Variants in TAF15 observed in about 807,000 individuals in gnomAD.
TAF15 encodes the protein TATA-binding protein-associated factor 2N.
TAF15 carries 37 observed loss-of-function variants against 102.5 expected under a neutral mutation model. The ratio of observed to expected loss-of-function variants is 0.36; its 90% confidence interval spans 0.28 to 0.47. The LOEUF (loss-of-function observed/expected upper bound fraction) is 0.47. Ranked by LOEUF, TAF15 falls within the 20% of genes least tolerant of loss-of-function variation. TAF15 has a pLI of 0.99. For synonymous variants in TAF15, 273 were observed against 259.2 expected, an observed-to-expected ratio of 1.05 and a Z score of -0.51; for missense variants, 652 against 760.7, an observed-to-expected ratio of 0.86 and a Z score of 1.68.
intron 7 of TAF15, among the ~76,000 whole-genome samples, chr17:35,827,446 C>T (rs1376130302): frequency 6.6e-6 from 1 of 152,082 alleles, no homozygotes; most frequent in Non-Finnish European, 1.5e-5. Context: ...TGGCTCACGC[C>T]TGTAATTCCA....
chr17:35,828,465 G>T (rs1305098590), intron 7 of TAF15, among the ~76,000 whole-genome samples: 1 of 152,188 alleles, frequency 6.6e-6, no homozygotes, highest in Non-Finnish European at 1.5e-5. Context: ...TGGTCATGAT[G>T]GCCTGCGCCT....
Position 35,822,680 on chromosome 17 carries a change from G to C in TAF15, c.331G>C (p.Gly111Arg), listed in dbSNP as rs1212862475. 2.2e-5 allele frequency: 36 copies of C among 1,613,936 alleles called. 1 individual carries two copies. In the Admixed American group the frequency reaches 6.0e-4, roughly 27 times the overall value. ...RAPSYDQPDY[G>R]QQDSYDQQSG... ...ACCTTCCTATGACCAGCCAGACTAT[G>C]GTCAACAAGATTCATATGACCAGCA... Residue 111 changes from glycine to arginine, a missense_variant, in exon 6 of 16, where the codon GGT (glycine) becomes CGT (arginine). Transcript: ENST00000605844.
intron 12 of TAF15, among the ~76,000 whole-genome samples, chr17:35,843,801 G>C (rs1035158545): frequency 1.3e-5 from 2 of 152,134 alleles, no homozygotes; most frequent in African/African-American, 2.4e-5. Flanking sequence ...AAGTATTTGG[G>C]GGAAGGGATA....
chr17:35,846,979 G>T lies in TAF15; in HGVS notation c.*34G>T. On this transcript the variant is annotated 3_prime_UTR_variant, in exon 16 of 16. Transcript: ENST00000605844. ...TTGAATGTTCCTTTGTCTCTGACAT[G>T]ATCCATAGTGAAATTGCCAGAGTTT... 1 of 1,609,130 alleles carries T rather than the reference G, an allele frequency of 6.2e-7. No homozygotes were observed.
intron 7 of TAF15, among the ~76,000 whole-genome samples, chr17:35,829,324 TA>T (rs1361162246): frequency 1.3e-5 from 2 of 151,062 alleles, no homozygotes; most frequent in Admixed American, 6.6e-5. Flanking sequence ...TTATTTTTAT[TA>T]TTTTTTTTTT....
chr17:35,836,242 G>C lies in TAF15; in HGVS notation c.783+1G>C. The C allele has an allele frequency of 6.4e-7, 1 of 1,573,742 alleles. No individual in the cohort carries two copies. The highest frequency in any genetic ancestry group is 8.7e-7 in the Non-Finnish European group (1 of 1,143,732). On this transcript the variant is annotated splice_donor_variant, in intron 10 of 15. Coordinates refer to ENST00000605844, the MANE Select transcript of TAF15 (RefSeq NM_139215.3). LOFTEE classifies it high-confidence loss of function. ...CTTTAAACAAATAGGAATTATCAAG[G>C]TGAGTAAAAATATTATATGTTGAAA...
chr17:35,842,223 T>G (rs1568279243), intron 11 of TAF15, 144 bp from the exon 12 acceptor site: 6 of 685,006 alleles, frequency 8.8e-6, no homozygotes, highest in Admixed American at 2.1e-5. Flanking sequence ...TTTAGCACTG[T>G]TATCTTGACT....
intron 7 of TAF15, among the ~76,000 whole-genome samples, chr17:35,829,878 G>A (rs572389953): frequency 1.4e-4 from 22 of 152,142 alleles, no homozygotes; most frequent in Non-Finnish European, 2.8e-4. Flanking sequence ...ATTGGCTCAC[G>A]CCTGTAATCC....
At chr17:35,846,790 T>C in intron 15 of TAF15, 116 bp from the exon 16 acceptor site, 1 of 1,036,278 alleles carries the variant, frequency 9.6e-7, no homozygotes, top group South Asian at 1.3e-5. Flanking sequence ...AGGCATGGTG[T>C]CATTCTTTAG....
rs35393517 is a variant in TAF15, at chr17:35,833,156, C to CA, written c.606-737dup. 2.6e-3 allele frequency among the ~76,000 whole-genome samples: 362 copies of CA among 137,662 alleles called. 1 individual carries two copies. The highest frequency in any genetic ancestry group is 0.012 in the East Asian group (59 of 4,764). The allele number at this position is 137,662 out of a possible 152,430, so 90.3% of individuals were successfully genotyped here. A position where few individuals can be genotyped will look rare whatever the true frequency, so the allele number is the denominator to read the frequency against. ...TGGGTGACAGAGCGAGACTCTGTCT[C>CA]AAAAAAAAAAAAAAGTTGTCCTGTT... On this transcript the variant is annotated intron_variant, in intron 7 of 15. Coordinates refer to ENST00000605844, the MANE Select transcript of TAF15 (RefSeq NM_139215.3).
rs182638009 is a variant in TAF15, at chr17:35,822,732, C to T, written c.383C>T (p.Ser128Leu). 2 of 1,614,152 alleles carry T rather than the reference C, an allele frequency of 1.2e-6. No individual in the cohort carries two copies. Among genetic ancestry groups the T allele is most frequent in the East Asian group, 4.5e-5 (2 of 44,872 alleles). Reference protein sequence around the residue: ...QQSGYDQHQGSYDEQSNYDQQ... With the variant: ...QQSGYDQHQGLYDEQSNYDQQ... ...TCAGGCTATGATCAACATCAAGGCT[C>T]ATATGATGAGCAGTCAAATTATGAT... The change falls in exon 6 of 16, where the codon TCA (serine) becomes TTA (leucine). Residue 128 changes from serine to leucine, a missense_variant. By Grantham distance (145) the Ser-to-Leu change is moderately radical. This residue lies in a region of TAF15 where 243 missense variants were observed against 284.1 expected (regional missense o/e 0.86). Coordinates refer to ENST00000605844, the MANE Select transcript of TAF15 (RefSeq NM_139215.3).
At chr17:35,823,816 GC>G in intron 6 of TAF15, 1 of 515,848 alleles carries the variant, frequency 1.9e-6, no homozygotes, top group East Asian at 3.5e-5. Context: ...TTACTGTTTT[GC>G]CATGTCACTT....
chr17:35,829,133 A>G (rs1021309942), intron 7 of TAF15, among the ~76,000 whole-genome samples: 1 of 152,160 alleles, frequency 6.6e-6, no homozygotes, highest in African/African-American at 2.4e-5. Flanking sequence ...AGAAAATTGT[A>G]TTCTGGATTT....
Position 35,822,789 on chromosome 17 carries a change from A to C in TAF15, c.440A>C (p.Gln147Pro). 6.2e-7 allele frequency: 1 copy of C among 1,614,212 alleles called. No homozygotes were observed. Among genetic ancestry groups the C allele is most frequent in the East Asian group, 2.2e-5 (1 of 44,874 alleles). The change falls in exon 6 of 16, where the codon CAG becomes CCG. Residue 147 changes from glutamine to proline, a missense_variant. Gln to Pro is a moderately conservative substitution (Grantham distance 76). Coordinates refer to ENST00000605844, the MANE Select transcript of TAF15 (RefSeq NM_139215.3). ...CATGATTCCTATAGTCAAAACCAGC[A>C]GTCCTATCATTCACAAAGGGAAAAC... ...QQHDSYSQNQ[Q>P]SYHSQRENYS...
chr17:35,817,320 AAGGATGT>A, intron 1 of TAF15: 2 of 209,388 alleles, frequency 9.6e-6, no homozygotes, highest in Non-Finnish European at 1.9e-5. Flanking sequence ...TTGGGGTGGT[AAGGATGT>A]TCAAGTAGAT....
chr17:35,844,004 T>C (rs575140713), intron 12 of TAF15, 73 bp from the exon 13 acceptor site: 71 of 1,313,156 alleles, frequency 5.4e-5, no homozygotes, highest in African/African-American at 3.8e-4. Flanking sequence ...TCTACTCTTA[T>C]GTTATCTGAT....
At chr17:35,837,995 C>G (rs1487381522) in intron 10 of TAF15, among the ~76,000 whole-genome samples, 2 of 149,518 alleles carry the variant, frequency 1.3e-5, no homozygotes, top group Non-Finnish European at 3.0e-5. Context: ...TGAGACCAGC[C>G]TGAGCCATAT....
Position 35,838,518 on chromosome 17 carries a change from C to T in TAF15, c.878C>T (p.Pro293Leu). 1 of 1,614,166 alleles carries T rather than the reference C, an allele frequency of 6.2e-7. No homozygotes were observed. The highest frequency in any genetic ancestry group is 2.2e-5 in the East Asian group (1 of 44,878). ...KGEATVSFDD[P>L]PSAKAAIDWF... ...GAGGCAACAGTGTCATTTGATGACC[C>T]TCCTTCAGCTAAGGCAGCCATTGAC... Residue 293 changes from proline to leucine, a missense_variant, in exon 11 of 16, where the codon CCT (proline) becomes CTT (leucine). Around this residue, in one of 3 missense-constraint regions of TAF15, gnomAD observed 41 missense variants for 109.1 expected, o/e 0.38. Coordinates refer to ENST00000605844, the MANE Select transcript of TAF15 (RefSeq NM_139215.3).
At position 35,822,753 on chromosome 17, in the gene TAF15, A is replaced by T; in HGVS notation, c.404A>T (p.Tyr135Phe). The change falls in exon 6 of 16, where the codon TAT becomes TTT. Residue 135 changes from tyrosine (Y) to phenylalanine (F), a missense_variant. Tyr to Phe is a conservative substitution (Grantham distance 22). Coordinates refer to ENST00000605844, the MANE Select transcript of TAF15 (RefSeq NM_139215.3). Reference protein sequence around the residue: ...HQGSYDEQSNYDQQHDSYSQN... With the variant: ...HQGSYDEQSNFDQQHDSYSQN... ...GGCTCATATGATGAGCAGTCAAATT[A>T]TGATCAGCAGCATGATTCCTATAGT... 1 of 1,614,194 alleles carries T rather than the reference A, an allele frequency of 6.2e-7. No individual in the cohort carries two copies. Among genetic ancestry groups the T allele is most frequent in the East Asian group, 2.2e-5 (1 of 44,878 alleles).
Sources: gnomAD v4.1 joint callset for allele counts (sites outside exome capture counted in the v4.1 genomes callset) on GRCh38, gnomAD v4.1.1 for gene constraint, gnomAD v4.1.1 regional missense constraint, MANE v1.5 for transcripts, NCBI Gene and HGNC (gene_info 2026-07-23, HGNC 2026-07-21) for gene names.